The following FGF13 variants were observed in gnomAD, a reference collection of about 807,000 sequenced individuals.
FGF13 encodes fibroblast growth factor 13, also known as fibroblast growth factor homologous factor 2.
Under a neutral mutation model 19.5 loss-of-function variants are expected in FGF13, and 2 were observed. That is an observed-to-expected ratio of 0.10 (90% CI 0.04 to 0.32). FGF13 has a LOEUF of 0.32. Among genes scored for constraint, FGF13 ranks in the 10% least tolerant of loss-of-function variants. FGF13 has a pLI of 1.00. For missense variants in FGF13, 113 were observed against 192.7 expected, an observed-to-expected ratio of 0.59 and a Z score of 2.45; for synonymous variants, 72 against 76.9, an observed-to-expected ratio of 0.94 and a Z score of 0.33.
rs2089126491 is a variant in FGF13 at position 138,632,330 on chromosome X, A to G, written c.*520T>C. On this transcript the variant is annotated 3_prime_UTR_variant, in exon 5 of 5. Coordinates refer to ENST00000315930, the MANE Select transcript of FGF13 (RefSeq NM_004114.5). ...AGAACCATTGAATTTCAGAAATCAT[A>G]AAGTTGCACTATGCCAAAGAAAAGA... 2 of 112,580 alleles carry G rather than the reference A, an allele frequency of 1.8e-5. No individual in the cohort carries two copies. The highest frequency in any genetic ancestry group is 9.5e-5 in the Admixed American group (1 of 10,576). 9.3% of individuals were successfully genotyped at this position (112,580 alleles called of 1,213,427 possible).
At chrX:138,913,486 A>C (rs2091600090) in intron 1 of FGF13, among the ~76,000 whole-genome samples, 1 of 109,949 alleles carries the variant, frequency 9.1e-6, no homozygotes, top group South Asian at 3.9e-4. Flanking sequence ...TAGAAGTCCC[A>C]ATTGTAGTTG....
intron 3 of FGF13, among the ~76,000 whole-genome samples, chrX:138,814,268 C>T (rs1337398248): frequency 1.8e-5 from 2 of 109,592 alleles, no homozygotes; most frequent in Admixed American, 9.8e-5. Flanking sequence ...GCCAGTGAAA[C>T]ACACAAAAAA....
intron 1 of FGF13, among the ~76,000 whole-genome samples, chrX:138,733,382 A>G (rs2090247681): frequency 8.9e-6 from 1 of 111,940 alleles, no homozygotes; most frequent in Non-Finnish European, 1.9e-5. Context: ...TGCTATTAGG[A>G]ACATAAACAC....
At chrX:138,950,529 T>G (rs1157371076) in intron 1 of FGF13, among the ~76,000 whole-genome samples, 1 of 111,994 alleles carries the variant, frequency 8.9e-6, no homozygotes, top group Non-Finnish European at 1.9e-5. Flanking sequence ...AAGTTCTATG[T>G]TTGTTTTATG....
At chrX:138,890,568 G>C (rs1487120045) in intron 1 of FGF13, among the ~76,000 whole-genome samples, 1 of 111,555 alleles carries the variant, frequency 9.0e-6, no homozygotes, top group Admixed American at 9.5e-5. Context: ...TTGTGAGGAA[G>C]GTACTATTAT....
intron 3 of FGF13, among the ~76,000 whole-genome samples, chrX:138,766,588 A>G (rs1460503783): frequency 8.9e-6 from 1 of 112,311 alleles, no homozygotes; most frequent in Non-Finnish European, 1.9e-5. Context: ...GATGTTGCAC[A>G]TGATTTATAA....
intron 1 of FGF13, among the ~76,000 whole-genome samples, chrX:139,082,707 T>C (rs1394459295): frequency 1.8e-5 from 2 of 111,941 alleles, no homozygotes; most frequent in Non-Finnish European, 3.8e-5. Context: ...TGATTTCAGA[T>C]TTCTAATCTC....
intron 3 of FGF13, among the ~76,000 whole-genome samples, chrX:138,754,286 T>C (rs548567353): frequency 1.8e-5 from 2 of 111,785 alleles, no homozygotes; most frequent in African/African-American, 6.5e-5. Flanking sequence ...AGGACATGAA[T>C]ATTTGTTTGA....
At chrX:139,105,010 A>G (rs2124460407) in intron 1 of FGF13, among the ~76,000 whole-genome samples, 1 of 103,805 alleles carries the variant, frequency 9.6e-6, no homozygotes, top group Admixed American at 1.0e-4. Flanking sequence ...CATTTCTTTC[A>G]AGTTTTTTTT....
chrX:138,886,665 G>C (rs1171878149), intron 1 of FGF13, among the ~76,000 whole-genome samples: 1 of 111,931 alleles, frequency 8.9e-6, no homozygotes, highest in African/African-American at 3.3e-5. Context: ...TGAGATCATG[G>C]ATGTGAAAGT....
chrX:138,714,643 A>T (rs2090084470), upstream of FGF13: 1 of 111,184 alleles, frequency 9.0e-6, no homozygotes, highest in Non-Finnish European at 1.9e-5. Context: ...GAAACTCCAC[A>T]CACGCACACA....
At chrX:138,703,662 G>T (rs1234451301) in intron 2 of FGF13, among the ~76,000 whole-genome samples, 1 of 111,925 alleles carries the variant, frequency 8.9e-6, no homozygotes, top group Admixed American at 9.5e-5. Flanking sequence ...ATAAATTCAG[G>T]TCTTGTAAAA....
upstream of FGF13, among the ~76,000 whole-genome samples, chrX:138,713,891 C>T (rs1415433759): frequency 9.0e-6 from 1 of 111,523 alleles, no homozygotes; most frequent in East Asian, 2.8e-4. Context: ...CTCCTGTCTA[C>T]CATCCACATA....
chrX:138,758,041 A>C lies in FGF13; in HGVS notation c.218-49113T>G, dbSNP rs779691583. Among the ~76,000 whole-genome samples the C allele has an allele frequency of 2.7e-5, 3 of 111,939 alleles. No homozygotes were observed. In the South Asian group the frequency reaches 1.1e-3, roughly 42 times the overall value. On this transcript the variant is annotated intron_variant, in intron 3 of 6. Coordinates refer to the FGF13 transcript ENST00000436198. ...ACATGCAGTACTGAAATTCAGCTCT[A>C]AATCTGTGGCAAGTTAACTTTTACT... is the stretch of plus-strand genomic sequence containing the variant.
At chrX:138,879,635 T>C (rs1429980201) in intron 1 of FGF13, among the ~76,000 whole-genome samples, 1 of 111,511 alleles carries the variant, frequency 9.0e-6, no homozygotes, top group Non-Finnish European at 1.9e-5. Context: ...ATTAGGCATT[T>C]CTCCTAATGC....
chrX:138,943,833 T>C (rs2091769841), intron 1 of FGF13, among the ~76,000 whole-genome samples: 1 of 111,678 alleles, frequency 9.0e-6, no homozygotes, highest in African/African-American at 3.3e-5. Flanking sequence ...TGGACACTAT[T>C]TGACTTCCTG....
chrX:139,115,166 C>T (rs772040373), intron 1 of FGF13, among the ~76,000 whole-genome samples: 7 of 111,336 alleles, frequency 6.3e-5, no homozygotes, highest in Non-Finnish European at 1.1e-4. Flanking sequence ...TAAACCCATT[C>T]CTCCCAGCCT....
At chrX:138,676,936 C>T (rs1698594651) in intron 3 of FGF13, among the ~76,000 whole-genome samples, 1 of 112,311 alleles carries the variant, frequency 8.9e-6, no homozygotes. Flanking sequence ...TCCTTATGGA[C>T]ACAGTCACTA....
chrX:139,157,122 T>A (rs1418345268), intron 1 of FGF13, among the ~76,000 whole-genome samples: 1 of 111,548 alleles, frequency 9.0e-6, no homozygotes, highest in African/African-American at 3.3e-5. Flanking sequence ...TCATTATTAT[T>A]ATTATTTCCT....
Sources: allele counts gnomAD v4.1 joint callset (sites outside exome capture counted in the v4.1 genomes callset), GRCh38; gene constraint gnomAD v4.1.1; transcripts MANE v1.5; gene names NCBI Gene and HGNC (gene_info 2026-07-23, HGNC 2026-07-21).